Variants in SDC2 observed in about 807,000 individuals in gnomAD.
SDC2 encodes syndecan-2.
In SDC2, 13 loss-of-function variants were observed where a neutral mutation model predicts 22.2. The ratio of observed to expected loss-of-function variants is 0.59; its 90% CI spans 0.38 to 0.93. SDC2 has a LOEUF of 0.93. Among genes scored for constraint, SDC2 ranks in the 40% least tolerant of loss-of-function variants. The pLI is 0.00. For synonymous variants in SDC2, 94 were observed against 92.8 expected (o/e 1.01, Z -0.07); for missense variants, 235 against 246.8 (o/e 0.95, Z 0.32).
intron 4 of SDC2, 120 bp from the exon 5 acceptor site, chr8:96,609,265 T>TTA (rs909830151): frequency 5.3e-6 from 4 of 761,154 alleles, no homozygotes; most frequent in Non-Finnish European, 7.8e-6. Context: ...AGCTTTTTTT[T>TTA]TATTGGGGTT....
chr8:96,501,449 G>A (rs1285275006), intron 1 of SDC2, among the ~76,000 whole-genome samples: 2 of 151,388 alleles, frequency 1.3e-5, no homozygotes, highest in Non-Finnish European at 2.9e-5. Context: ...GGATTACAGT[G>A]CACACCACCA....
intron 1 of SDC2, among the ~76,000 whole-genome samples, chr8:96,516,580 CTT>C (rs1235876714): frequency 1.3e-5 from 2 of 152,046 alleles, no homozygotes; most frequent in African/African-American, 4.8e-5. Context: ...TTTGCAGTCA[CTT>C]TTCATTCCAC....
chr8:96,578,403 G>A (rs1814538449), intron 1 of SDC2, among the ~76,000 whole-genome samples: 1 of 152,200 alleles, frequency 6.6e-6, no homozygotes, highest in African/African-American at 2.4e-5. Flanking sequence ...ATAGCCATAT[G>A]TGGCTATTTG....
At chr8:96,573,274 A>T (rs76320680) in intron 1 of SDC2, among the ~76,000 whole-genome samples, 29 of 5,754 alleles carry the variant, frequency 5.0e-3, no homozygotes, top group East Asian at 0.035. Flanking sequence ...TTCAGGATGG[A>T]TGCTCTTCGC....
intron 1 of SDC2, among the ~76,000 whole-genome samples, chr8:96,542,823 C>A (rs114759932): frequency 0.03 from 4,500 of 152,216 alleles, 205 homozygotes; most frequent in African/African-American, 0.1. Flanking sequence ...CTAAGTAGGG[C>A]GACCATATGT....
rs747758249 is a variant in SDC2 at position 96,608,317 on chromosome 8, C to T, written c.307-18C>T. ...ATTTCCTTAAATCAATGTAATCTTT[C>T]CCTGTTTCCCATACCAGTCACCTGA... On this transcript the variant is annotated intron_variant, in intron 3 of 4. Transcript: ENST00000302190. The T allele has an allele frequency of 6.2e-7, 1 of 1,606,854 alleles. No homozygotes were observed. The highest frequency in any genetic ancestry group is 8.5e-7 in the Non-Finnish European group (1 of 1,177,168).
At chr8:96,545,214 A>C (rs947715032) in intron 1 of SDC2, among the ~76,000 whole-genome samples, 1 of 152,216 alleles carries the variant, frequency 6.6e-6, no homozygotes, top group African/African-American at 2.4e-5. Context: ...AGAAAGTCGA[A>C]ATTCAGTGGA....
At chr8:96,571,405 G>A (rs1194214221) in intron 1 of SDC2, among the ~76,000 whole-genome samples, 1 of 152,206 alleles carries the variant, frequency 6.6e-6, no homozygotes, top group Non-Finnish European at 1.5e-5. Flanking sequence ...GATCACCGGG[G>A]TCTTATGGGC....
intron 1 of SDC2, among the ~76,000 whole-genome samples, chr8:96,589,619 C>T (rs1814744365): frequency 6.6e-6 from 1 of 152,196 alleles, no homozygotes; most frequent in South Asian, 2.1e-4. Context: ...CCATGTTGGC[C>T]AGGCTGGTCT....
intron 1 of SDC2, among the ~76,000 whole-genome samples, chr8:96,565,354 A>G (rs757149586): frequency 1.3e-5 from 2 of 151,558 alleles, no homozygotes; most frequent in African/African-American, 2.4e-5. Flanking sequence ...CAAAGTGCTG[A>G]GATTACAGGC....
rs1815151475 is a variant in SDC2, at chr8:96,610,093, C to G, written c.*545C>G. ...TCAAATATGTAAACTTTAACTTCCA[C>G]TTTGTATAAATTTTTAAGTGTCAGA... is the stretch of plus-strand genomic sequence containing the variant. On this transcript the variant is annotated 3_prime_UTR_variant, in exon 5 of 5. Transcript: ENST00000302190. The G allele has an allele frequency of 6.6e-6, 1 of 152,546 alleles. No homozygotes were observed. The highest frequency in any genetic ancestry group is 6.5e-5 in the Admixed American group (1 of 15,270). 9.4% of individuals were successfully genotyped at this position (152,546 alleles called of 1,614,324 possible). A position where few individuals can be genotyped will look rare whatever the true frequency, so the allele number is the denominator to read the frequency against.
rs372657541 is a variant in SDC2, at chr8:96,541,479, C to A, written c.60+47148C>A. 3.6e-3 allele frequency among the ~76,000 whole-genome samples: 507 copies of A among 140,886 alleles called. 4 individuals carry two copies. The highest frequency in any genetic ancestry group is 0.013 in the African/African-American group (484 of 37,790). The allele number at this position is 140,886 out of a possible 152,430, so 92.4% of individuals were successfully genotyped here. A position where few individuals can be genotyped will look rare whatever the true frequency, so the allele number is the denominator to read the frequency against. Reference sequence around the variant, plus strand: ...CCGAGATCGCACCACAATACTCCAGCCCGGTGACAGAGCAAGCCCATCTCA... The same window carrying A: ...CCGAGATCGCACCACAATACTCCAGACCGGTGACAGAGCAAGCCCATCTCA... On this transcript the variant is annotated intron_variant, in intron 1 of 4. Transcript: ENST00000302190.
At chr8:96,589,073 T>A (rs1814733081) in intron 1 of SDC2, among the ~76,000 whole-genome samples, 1 of 152,242 alleles carries the variant, frequency 6.6e-6, no homozygotes, top group Non-Finnish European at 1.5e-5. Context: ...GTGTATTGAA[T>A]TAACACTTGT....
chr8:96,566,423 A>G (rs1814299711), intron 1 of SDC2, among the ~76,000 whole-genome samples: 1 of 152,230 alleles, frequency 6.6e-6, no homozygotes, highest in Non-Finnish European at 1.5e-5. Flanking sequence ...AATTCATTTG[A>G]ATTCATTAGA....
chr8:96,546,461 T>C (rs577625956), intron 1 of SDC2, among the ~76,000 whole-genome samples: 2 of 152,070 alleles, frequency 1.3e-5, no homozygotes, highest in Non-Finnish European at 2.9e-5. Context: ...AAAGAAACAA[T>C]AGCTTGAAGA....
At chr8:96,527,812 G>C (rs1007268577) in intron 1 of SDC2, among the ~76,000 whole-genome samples, 1 of 152,098 alleles carries the variant, frequency 6.6e-6, no homozygotes, top group African/African-American at 2.4e-5. Context: ...TGCGCATATA[G>C]TTTTCAAAAA....
intron 1 of SDC2, among the ~76,000 whole-genome samples, chr8:96,506,103 C>T (rs923187438): frequency 6.6e-6 from 1 of 152,188 alleles, no homozygotes; most frequent in Non-Finnish European, 1.5e-5. Flanking sequence ...TTCCTAAAAC[C>T]TTCCTTGAAG....
intron 1 of SDC2, among the ~76,000 whole-genome samples, chr8:96,591,567 G>A (rs1814781847): frequency 6.6e-6 from 1 of 152,142 alleles, no homozygotes; most frequent in South Asian, 2.1e-4. Flanking sequence ...CAAGAAAAAT[G>A]CACATGAAAC....
intron 1 of SDC2, among the ~76,000 whole-genome samples, chr8:96,576,672 G>A (rs911448587): frequency 1.3e-5 from 2 of 150,424 alleles, no homozygotes; most frequent in African/African-American, 4.9e-5. Flanking sequence ...GCCCGCCTCG[G>A]CCTCCCAAAG....
Sources: allele counts gnomAD v4.1 joint callset (sites outside exome capture counted in the v4.1 genomes callset), GRCh38; gene constraint gnomAD v4.1.1; transcripts MANE v1.5; gene names NCBI Gene and HGNC (gene_info 2026-07-23, HGNC 2026-07-21).